The following NCOR1 variants were observed in gnomAD, a reference collection of about 807,000 sequenced individuals.
NCOR1 encodes nuclear receptor corepressor 1, also known as protein phosphatase 1, regulatory subunit 109.
A neutral mutation model predicts 288.1 loss-of-function variants in NCOR1; 63 were observed. The ratio of observed to expected loss-of-function variants is 0.22; its 90% CI spans 0.18 to 0.27. NCOR1 has a LOEUF of 0.27. Among genes scored for constraint, NCOR1 ranks in the 10% least tolerant of loss-of-function variants. The probability of loss-of-function intolerance (pLI) is 1.00; values close to 1 mark genes in which losing one functional copy is unlikely to be tolerated. For synonymous variants in NCOR1, 1,007 were observed against 1,065.9 expected, an observed-to-expected ratio of 0.94 and a Z score of 1.08; for missense variants, 2,397 against 3,019.2, an observed-to-expected ratio of 0.79 and a Z score of 4.83.
chr17:16,155,322 G>A (rs568252559), intron 6 of NCOR1, among the ~76,000 whole-genome samples: 13 of 140,252 alleles, frequency 9.3e-5, no homozygotes, highest in Non-Finnish European at 1.8e-4. Flanking sequence ...CTGCACTCCA[G>A]CCTGGGCAAC....
intron 3 of NCOR1, among the ~76,000 whole-genome samples, chr17:16,179,080 G>A (rs2084852567): frequency 6.6e-6 from 1 of 152,134 alleles, no homozygotes; most frequent in Admixed American, 6.5e-5. Flanking sequence ...CCCAGCCTGT[G>A]CATCAGAGTG....
chr17:16,094,820 G>C (rs1204629334), intron 21 of NCOR1, among the ~76,000 whole-genome samples: 1 of 152,214 alleles, frequency 6.6e-6, no homozygotes, highest in East Asian at 1.9e-4. Context: ...ACCAGCCTCG[G>C]CATTCTGAGG....
rs1045955167 is a variant in NCOR1, at chr17:16,031,207, G to T, written c.*1089C>A. 2.5e-5 allele frequency: 5 copies of T among 199,796 alleles called. No homozygotes were observed. Among genetic ancestry groups the T allele is most frequent in the Admixed American group, 6.0e-5 (1 of 16,552 alleles). The allele number at this position is 199,796 out of a possible 1,614,324, so 12.4% of individuals were successfully genotyped here. The stretch of plus-strand genomic sequence containing the variant: ...GGGAGCAAAGTGAGAGTAAATGCTG[G>T]TCCATAGTGATGGGGAAAAAGGACT... On this transcript the variant is annotated 3_prime_UTR_variant, in exon 46 of 46. Coordinates refer to ENST00000268712, the MANE Select transcript of NCOR1 (RefSeq NM_006311.4).
intron 4 of NCOR1, among the ~76,000 whole-genome samples, chr17:16,165,613 CA>C (rs960985909): frequency 1.3e-5 from 2 of 152,302 alleles, no homozygotes; most frequent in South Asian, 2.1e-4. Context: ...GTGTTCCTAT[CA>C]AAAGTTTTTA....
chr17:16,101,891 G>T, intron 19 of NCOR1, 134 bp from the exon 20 acceptor site: 1 of 1,156,902 alleles, frequency 8.6e-7, no homozygotes, highest in Non-Finnish European at 1.2e-6. Flanking sequence ...TAGTTGTTTA[G>T]GATGAATTCT....
intron 41 of NCOR1, among the ~76,000 whole-genome samples, chr17:16,048,408 AG>A (rs1042520130): frequency 2.6e-5 from 4 of 152,182 alleles, no homozygotes; most frequent in African/African-American, 9.6e-5. Flanking sequence ...ACTGGAAAGG[AG>A]CCAACTCAAA....
chr17:16,141,722 G>A (rs1006094743), intron 11 of NCOR1, among the ~76,000 whole-genome samples: 4 of 152,080 alleles, frequency 2.6e-5, no homozygotes, highest in African/African-American at 9.7e-5. Context: ...GCAACTTGAT[G>A]GTTTAATTTA....
intron 44 of NCOR1, 170 bp downstream of exon 44, chr17:16,039,263 A>G (rs1597641193): frequency 3.2e-6 from 2 of 629,106 alleles, no homozygotes; most frequent in Non-Finnish European, 5.4e-6. Context: ...TTCATATTAT[A>G]ATGTCTGGGT....
chr17:16,168,332 C>G (rs1182226395), intron 4 of NCOR1, among the ~76,000 whole-genome samples: 1 of 152,102 alleles, frequency 6.6e-6, no homozygotes, highest in African/African-American at 2.4e-5. Flanking sequence ...TCCCGAGTAG[C>G]TGGGATTACA....
intron 19 of NCOR1, among the ~76,000 whole-genome samples, chr17:16,102,121 G>GC (rs1420372363): frequency 6.6e-6 from 1 of 152,114 alleles, no homozygotes; most frequent in Non-Finnish European, 1.5e-5. Flanking sequence ...TGTATTTCTA[G>GC]AAGCCTCTTC....
intron 29 of NCOR1, among the ~76,000 whole-genome samples, chr17:16,071,888 G>A (rs1598194832): frequency 6.6e-6 from 1 of 152,060 alleles, no homozygotes; most frequent in Admixed American, 6.6e-5. Context: ...GGTTGCTTGA[G>A]ATATGATATT....
intron 1 of NCOR1, among the ~76,000 whole-genome samples, chr17:16,204,999 T>A (rs1193308346): frequency 6.6e-6 from 1 of 152,162 alleles, no homozygotes; most frequent in Non-Finnish European, 1.5e-5. Context: ...GGCGGGTGGA[T>A]CACCTGAAGT....
At chr17:16,039,408 A>C in intron 44 of NCOR1, 25 bp downstream of exon 44, 1 of 1,603,592 alleles carries the variant, frequency 6.2e-7, no homozygotes, top group Non-Finnish European at 8.5e-7. Flanking sequence ...AAAGCAGCAG[A>C]AAAGCACTAA....
chr17:16,124,493 G>A (rs1331468879), intron 15 of NCOR1, among the ~76,000 whole-genome samples: 1 of 152,174 alleles, frequency 6.6e-6, no homozygotes, highest in Non-Finnish European at 1.5e-5. Flanking sequence ...AAGTGCATAT[G>A]CTTGTCAAAA....
chr17:16,139,507 G>A (rs1357868582), intron 11 of NCOR1, among the ~76,000 whole-genome samples: 1 of 152,164 alleles, frequency 6.6e-6, no homozygotes, highest in East Asian at 1.9e-4. Context: ...CAAGTTCACT[G>A]AAGTGGTGAC....
intron 14 of NCOR1, among the ~76,000 whole-genome samples, chr17:16,127,712 T>G (rs1198703109): frequency 7.4e-6 from 1 of 135,256 alleles, no homozygotes; most frequent in Non-Finnish European, 1.6e-5. Flanking sequence ...TATATGTGTG[T>G]GTATATATAC....
At chr17:16,206,436 A>G (rs866359343) in intron 1 of NCOR1, among the ~76,000 whole-genome samples, 2 of 151,972 alleles carry the variant, frequency 1.3e-5, no homozygotes, top group African/African-American at 4.8e-5. Flanking sequence ...CCCAGGCTGG[A>G]GTCCAGTGGC....
chr17:16,170,107 CTGTGTGTG>C (rs61345864), intron 4 of NCOR1, among the ~76,000 whole-genome samples: 19 of 147,682 alleles, frequency 1.3e-4, no homozygotes, highest in African/African-American at 3.0e-4. Context: ...TATTTGCTTT[CTGTGTGTG>C]TGTGTGTGTG....
intron 3 of NCOR1, among the ~76,000 whole-genome samples, chr17:16,175,385 A>C (rs1486060980): frequency 6.6e-6 from 1 of 152,128 alleles, no homozygotes; most frequent in African/African-American, 2.4e-5. Context: ...AAAAAAAAAA[A>C]AACTCTGTAG....
Sources: gnomAD v4.1 joint callset for allele counts (sites outside exome capture counted in the v4.1 genomes callset) on GRCh38, gnomAD v4.1.1 for gene constraint, MANE v1.5 for transcripts, NCBI Gene and HGNC (gene_info 2026-07-23, HGNC 2026-07-21) for gene names.